Variants in BSCL2 observed in about 807,000 individuals in gnomAD.
BSCL2 encodes the protein seipin.
A neutral mutation model predicts 57.4 loss-of-function variants in BSCL2; 41 were observed. That is an observed-to-expected ratio of 0.71 (90% CI 0.56 to 0.93). BSCL2 has a LOEUF of 0.93. BSCL2 is among the 40% of genes least tolerant of loss of function. The pLI is 0.00. For synonymous variants in BSCL2, 237 were observed against 227.3 expected, an observed-to-expected ratio of 1.04 and a Z score of -0.38; for missense variants, 539 against 586.7, an observed-to-expected ratio of 0.92 and a Z score of 0.84.
In BSCL2 at chr11:62,693,867, T is replaced by C. The variant is rs1945375455; in HGVS notation, c.630+701A>G. On this transcript the variant is annotated intron_variant, in intron 4 of 10. Transcript: ENST00000360796. ...TTTGCTCTTGTTGCCCAGGCTGGAA[T>C]GCAGTGGCGCGATCTTGGCTCACCA... Among the ~76,000 whole-genome samples the C allele has an allele frequency of 2.0e-5, 3 of 152,106 alleles. No homozygotes were observed. The South Asian group carries it at 6.2e-4, about 32-fold the overall frequency.
chr11:62,699,675 G>GTTT (rs71056548), intron 3 of BSCL2, among the ~76,000 whole-genome samples: 29 of 87,204 alleles, frequency 3.3e-4, no homozygotes, highest in African/African-American at 4.9e-4. Context: ...ATCCTATCTG[G>GTTT]TTTTTTTTTT....
intron 2 of BSCL2, 148 bp downstream of exon 2, chr11:62,705,153 A>G: frequency 1.2e-6 from 1 of 805,420 alleles, no homozygotes; most frequent in Admixed American, 2.4e-5. Flanking sequence ...ACCCAAATCT[A>G]GCCTTGGGCT....
intron 2 of BSCL2, among the ~76,000 whole-genome samples, chr11:62,704,161 C>A (rs894001075): frequency 2.8e-5 from 4 of 142,210 alleles, no homozygotes; most frequent in African/African-American, 1.0e-4. Flanking sequence ...GAAGAAGAGA[C>A]CTTGGTGGGG....
In BSCL2 at chr11:62,690,477, G is replaced by A; in HGVS notation, c.1279C>T (p.Leu427=). The change falls in exon 11 of 11, where the codon CTG becomes TTG. Residue 427 remains leucine (L), a synonymous_variant. Transcript: ENST00000360796. ...EDAALLTEAN[L]PAPAPASASA... ...GCAGAAGCAGGAGCAGGAGCAGGCAGGTTGGCCTCCGTCAGCAAAGCTGCA... is the reference window on the plus strand; with the variant it reads ...GCAGAAGCAGGAGCAGGAGCAGGCAAGTTGGCCTCCGTCAGCAAAGCTGCA... 4 of 1,614,176 alleles carry A rather than the reference G, an allele frequency of 2.5e-6. No homozygotes were observed. Among genetic ancestry groups the A allele is most frequent in the Non-Finnish European group, 3.4e-6 (4 of 1,180,026 alleles).
Position 62,691,321 on chromosome 11 carries a change from C to T in BSCL2, c.964G>A (p.Val322Met). ...TGTCGGGGCCAGATGCCCCCCCACA[C>T]CCACTGCATGTAGCTGAAGAGCACG... ...VIVLFSYMQW[V>M]WGGIWPRHRF... The change falls in exon 7 of 11, where the codon GTG (valine) becomes ATG (methionine). Residue 322 changes from valine (V) to methionine (M), a missense_variant. This residue lies in a region of BSCL2 where 248 missense variants were observed against 239.9 expected (regional missense o/e 1.03). Coordinates refer to ENST00000360796, the MANE Select transcript of BSCL2 (RefSeq NM_001122955.4). The T allele has an allele frequency of 6.2e-7, 1 of 1,614,152 alleles. No homozygotes were observed. Among genetic ancestry groups the T allele is most frequent in the Non-Finnish European group, 8.5e-7 (1 of 1,180,038 alleles).
chr11:62,694,309 T>C (rs1052424900), intron 4 of BSCL2, among the ~76,000 whole-genome samples: 2 of 143,940 alleles, frequency 1.4e-5, no homozygotes, highest in African/African-American at 5.2e-5. Context: ...GTTTAAGCGA[T>C]CCTCCCACCT....
chr11:62,695,185 T>C (rs139538625), intron 3 of BSCL2, among the ~76,000 whole-genome samples: 2 of 152,304 alleles, frequency 1.3e-5, no homozygotes, highest in East Asian at 3.9e-4. Context: ...TTATCTTGGT[T>C]CTGTTGGTAG....
chr11:62,698,505 G>A (rs999045140), intron 3 of BSCL2, among the ~76,000 whole-genome samples: 20 of 152,228 alleles, frequency 1.3e-4, no homozygotes, highest in Middle Eastern at 3.4e-3. Context: ...GCCAGAATCC[G>A]CATTTTACAG....
chr11:62,705,075 CTTTTT>C (rs566098807), intron 2 of BSCL2, among the ~76,000 whole-genome samples: 2 of 133,020 alleles, frequency 1.5e-5, no homozygotes, highest in African/African-American at 5.5e-5. Context: ...GATATTTTTC[CTTTTT>C]TTTTTTTTTT....
upstream of BSCL2, chr11:62,708,632 C>T (rs1291921337): frequency 3.7e-6 from 6 of 1,607,360 alleles, no homozygotes; most frequent in Non-Finnish European, 5.1e-6. Flanking sequence ...GCTGCAGTCC[C>T]CTTCAGAGGT....
chr11:62,700,946 C>T (rs1303205231), intron 3 of BSCL2, among the ~76,000 whole-genome samples: 1 of 40,480 alleles, frequency 2.5e-5, no homozygotes, highest in Non-Finnish European at 5.1e-5. Context: ...GAGCAAGACT[C>T]TGTCTCAAAA....
Position 62,694,588 on chromosome 11 carries a change from T to C in BSCL2, c.610A>G (p.Ile204Val), listed in dbSNP as rs759642646. 15 of 1,613,986 alleles carry C rather than the reference T, an allele frequency of 9.3e-6. No homozygotes were observed. The highest frequency in any genetic ancestry group is 1.6e-4 in the Middle Eastern group (1 of 6,084). ...ISCYTRGGRI[I>V]STSSRSVMLH... ...CTTACCGAACGCGAAGAAGTGGAGA[T>C]GATTCGGCCACCTCTGGTGTAGCAG... Residue 204 changes from isoleucine (I) to valine (V), a missense_variant, in exon 4 of 11, where the codon ATC becomes GTC. By Grantham distance (29) the Ile-to-Val change is conservative. Coordinates refer to ENST00000360796, the MANE Select transcript of BSCL2 (RefSeq NM_001122955.4).
At chr11:62,705,688 A>T in intron 1 of BSCL2, 71 bp from the exon 2 acceptor site, 9 of 1,385,208 alleles carry the variant, frequency 6.5e-6, no homozygotes, top group Non-Finnish European at 8.6e-6. Context: ...AGCTTACTGG[A>T]CTGGCTTTGA....
At chr11:62,693,631 G>GA (rs1329520572) in intron 4 of BSCL2, among the ~76,000 whole-genome samples, 2 of 152,132 alleles carry the variant, frequency 1.3e-5, no homozygotes, top group African/African-American at 4.8e-5. Flanking sequence ...TTATACCCAA[G>GA]AAGTTAAGTC....
At chr11:62,690,963 T>C (rs959174629) in intron 8 of BSCL2, 96 bp from the exon 9 acceptor site, 2 of 1,578,120 alleles carry the variant, frequency 1.3e-6, no homozygotes, top group Non-Finnish European at 8.7e-7. Flanking sequence ...CCTTTGACCC[T>C]TGTCTCAGTC....
intron 1 of BSCL2, chr11:62,706,085 C>G (rs369332286): frequency 4.7e-6 from 2 of 422,220 alleles, no homozygotes; most frequent in African/African-American, 4.4e-5. Context: ...CCGCCTCGAG[C>G]AGAGCTCGCT....
rs768730069 is a variant in BSCL2, at chr11:62,706,631, C to A, written c.87+478G>T. 1.5e-5 allele frequency: 7 copies of A among 472,818 alleles called. No individual in the cohort carries two copies. In the East Asian group the frequency reaches 4.8e-4, roughly 33 times the overall value. The allele number at this position is 472,818 out of a possible 1,614,324, so 29.3% of individuals were successfully genotyped here. ...TGCACACCTTCACCACAGGCCATTTCACCCGCGAAGCGGCCGAGTGAGGCG... is the reference window on the plus strand; with the variant it reads ...TGCACACCTTCACCACAGGCCATTTAACCCGCGAAGCGGCCGAGTGAGGCG... On this transcript the variant is annotated intron_variant, in intron 1 of 10. Transcript: ENST00000360796.
intron 1 of BSCL2, 70 bp from the exon 2 acceptor site, chr11:62,705,687 G>T (rs2083518177): frequency 7.2e-7 from 1 of 1,388,236 alleles, no homozygotes; most frequent in South Asian, 1.5e-5. Flanking sequence ...CAGCTTACTG[G>T]ACTGGCTTTG....
Position 62,707,187 on chromosome 11 carries a change from T to C in BSCL2, c.9A>G (p.Thr3=), listed in dbSNP as rs1423927417. The C allele has an allele frequency of 1.1e-5, 17 of 1,553,096 alleles. No homozygotes were observed. The East Asian group carries it at 3.6e-4, about 33-fold the overall frequency. ...CTTCCTCCTTTTGGTCTACCTTTTC[T>C]GTAGACATCTTCCTGACGAGCCTCT... MS[T]EKVDQKEEAG... Residue 3 remains threonine (T), a synonymous_variant, in exon 1 of 11, where the codon ACA becomes ACG. Coordinates refer to ENST00000360796, the MANE Select transcript of BSCL2 (RefSeq NM_001122955.4).
Sources: gnomAD v4.1 joint callset for allele counts (sites outside exome capture counted in the v4.1 genomes callset) on GRCh38, gnomAD v4.1.1 for gene constraint, gnomAD v4.1.1 regional missense constraint, MANE v1.5 for transcripts, NCBI Gene and HGNC (gene_info 2026-07-23, HGNC 2026-07-21) for gene names.